The following BBS12 variants were observed in gnomAD, a reference collection of about 807,000 sequenced individuals.
The protein encoded by BBS12 is Bardet-Biedl syndrome 12, also known as chaperonin-containing T-complex member BBS12.
A neutral mutation model predicts 5.6 loss-of-function variants in BBS12; 5 were observed. The ratio of observed to expected loss-of-function variants is 0.89; its 90% CI spans 0.46 to 1.86. The LOEUF (loss-of-function observed/expected upper bound fraction) is 1.86, where lower values mean the gene tolerates loss of function less well. Ranked by LOEUF, BBS12 falls within the 40% of genes most tolerant of loss-of-function variation. BBS12 has a pLI of 0.01. For missense variants in BBS12, 748 were observed against 830.4 expected (o/e 0.90, Z 1.22); for synonymous variants, 308 against 306.8 (o/e 1.00, Z -0.04).
chr4:122,726,881 C>A, the BBS12 span, among the ~76,000 whole-genome samples: 1 of 152,162 alleles, frequency 6.6e-6, no homozygotes. Context: ...TATGTTCTCA[C>A]TCATAAGTGG....
chr4:122,701,593 A>C, the BBS12 span, among the ~76,000 whole-genome samples: 2 of 152,224 alleles, frequency 1.3e-5, no homozygotes, highest in Non-Finnish European at 2.9e-5. Context: ...ATAGTGATGA[A>C]TACCTCTAAT....
At chr4:122,702,988 T>A in the BBS12 span, among the ~76,000 whole-genome samples, 1 of 152,356 alleles carries the variant, frequency 6.6e-6, no homozygotes, top group South Asian at 2.1e-4. Context: ...GTTCCACAAT[T>A]GTTATAGTAA....
chr4:122,716,642 C>A, the BBS12 span, among the ~76,000 whole-genome samples: 221 of 68,948 alleles, frequency 3.2e-3, 2 homozygotes, highest in African/African-American at 0.011. Flanking sequence ...TGTATATACA[C>A]ACGTGTGTGT....
the BBS12 span, among the ~76,000 whole-genome samples, chr4:122,725,365 A>G: frequency 6.6e-6 from 1 of 152,228 alleles, no homozygotes; most frequent in Admixed American, 6.5e-5. Context: ...TTCAAACTAT[A>G]CTATAAGCCC....
chr4:122,714,512 G>T, the BBS12 span, among the ~76,000 whole-genome samples: 1 of 152,076 alleles, frequency 6.6e-6, no homozygotes, highest in South Asian at 2.1e-4. Context: ...AGGCGTGGTG[G>T]CTCATGCCTA....
At chr4:122,705,035 A>G in the BBS12 span, among the ~76,000 whole-genome samples, 1 of 152,208 alleles carries the variant, frequency 6.6e-6, no homozygotes, top group Non-Finnish European at 1.5e-5. Context: ...AGGCCTTAAG[A>G]TGCCTTGAAT....
At position 122,732,739 on chromosome 4, in the gene BBS12, C is replaced by T. The variant is rs1158642416; in HGVS notation, c.-156C>T. 1 of 152,458 alleles carries T rather than the reference C, an allele frequency of 6.6e-6. No homozygotes were observed. The highest frequency in any genetic ancestry group is 1.5e-5 in the Non-Finnish European group (1 of 68,200). The allele number at this position is 152,458 out of a possible 1,614,324, so 9.4% of individuals were successfully genotyped here. A position where few individuals can be genotyped will look rare whatever the true frequency, so the allele number is the denominator to read the frequency against. On this transcript the variant is annotated 5_prime_UTR_variant, in exon 1 of 2. Coordinates refer to ENST00000314218, the MANE Select transcript of BBS12 (RefSeq NM_152618.3). Reference sequence around the variant, plus strand: ...CTAAGCCCCCGGCTCCTCCAGAAGCCCCTCTTCGCACATGCGCAAACTGCG... The same window carrying T: ...CTAAGCCCCCGGCTCCTCCAGAAGCTCCTCTTCGCACATGCGCAAACTGCG...
At chr4:122,737,748 A>G (rs2150733648) in intron 1 of BBS12, among the ~76,000 whole-genome samples, 1 of 152,368 alleles carries the variant, frequency 6.6e-6, no homozygotes, top group South Asian at 2.1e-4. Context: ...CAAATTTGGC[A>G]TCTCATACTT....
chr4:122,713,669 T>G, the BBS12 span, among the ~76,000 whole-genome samples: 1 of 152,204 alleles, frequency 6.6e-6, no homozygotes, highest in Non-Finnish European at 1.5e-5. Flanking sequence ...TTGAGTAAGA[T>G]CAGTGTTTTT....
At chr4:122,715,588 C>T in the BBS12 span, among the ~76,000 whole-genome samples, 1 of 152,164 alleles carries the variant, frequency 6.6e-6, no homozygotes, top group African/African-American at 2.4e-5. Flanking sequence ...CCACGAAACA[C>T]TCCTCGGGGC....
At chr4:122,704,776 A>T in the BBS12 span, among the ~76,000 whole-genome samples, 1 of 152,174 alleles carries the variant, frequency 6.6e-6, no homozygotes, top group Non-Finnish European at 1.5e-5. Flanking sequence ...TCCAGGTAGA[A>T]CTAATTTGAG....
At chr4:122,728,678 A>G (rs898957259), upstream of BBS12, 6 of 152,236 alleles carry the variant, frequency 3.9e-5, no homozygotes, top group African/African-American at 1.4e-4. Flanking sequence ...GAAATCAAAG[A>G]CACTGTGAAA....
the BBS12 span, among the ~76,000 whole-genome samples, chr4:122,709,233 T>A: frequency 6.6e-6 from 1 of 152,194 alleles, no homozygotes; most frequent in African/African-American, 2.4e-5. Flanking sequence ...GAATTTTGCC[T>A]AACTGCTTAC....
the BBS12 span, among the ~76,000 whole-genome samples, chr4:122,705,580 AATTAGCAAGTG>A: frequency 6.6e-6 from 1 of 152,244 alleles, no homozygotes; most frequent in Non-Finnish European, 1.5e-5. Flanking sequence ...GCATTTGCTA[AATTAGCAAGTG>A]ATTAAATTAA....
the BBS12 span, among the ~76,000 whole-genome samples, chr4:122,725,433 A>G: frequency 6.6e-6 from 1 of 152,226 alleles, no homozygotes; most frequent in African/African-American, 2.4e-5. Flanking sequence ...CCAATGGAAC[A>G]TAATAGAGAA....
In BBS12 at chr4:122,743,888, G is replaced by A; in HGVS notation, c.1996G>A (p.Val666Ile). The A allele has an allele frequency of 6.2e-7, 1 of 1,604,806 alleles. No homozygotes were observed. Among genetic ancestry groups the A allele is most frequent in the East Asian group, 2.2e-5 (1 of 44,844 alleles). Residue 666 changes from valine to isoleucine, a missense_variant, in exon 2 of 2, where the codon GTT becomes ATT. Transcript: ENST00000314218. ...GCAGATTCCGAGAGTTTATGACGTTGTTACACCAAAGATTGAGGCGTGGCG... is the reference window on the plus strand; with the variant it reads ...GCAGATTCCGAGAGTTTATGACGTTATTACACCAAAGATTGAGGCGTGGCG... ...LEQIPRVYDVVTPKIEAWRRA... is the reference protein window; with the variant it reads ...LEQIPRVYDVITPKIEAWRRA...
the BBS12 span, among the ~76,000 whole-genome samples, chr4:122,720,211 G>A: frequency 6.6e-6 from 1 of 152,332 alleles, no homozygotes; most frequent in South Asian, 2.1e-4. Flanking sequence ...AGCACTTTGG[G>A]AGGCTGAGGC....
chr4:122,744,095 C>A lies in BBS12; in HGVS notation c.*70C>A. 2.0e-6 allele frequency: 3 copies of A among 1,499,000 alleles called. No homozygotes were observed. The highest frequency in any genetic ancestry group is 1.9e-6 in the Non-Finnish European group (2 of 1,080,402). The allele number at this position is 1,499,000 out of a possible 1,614,324, so 92.9% of individuals were successfully genotyped here. A position where few individuals can be genotyped will look rare whatever the true frequency, so the allele number is the denominator to read the frequency against. Reference sequence around the variant, plus strand: ...ATGCTAATAATAAATATATTGATAGCCAAGTCATGGTGCCTAAAATGCCAG... The same window carrying A: ...ATGCTAATAATAAATATATTGATAGACAAGTCATGGTGCCTAAAATGCCAG... On this transcript the variant is annotated 3_prime_UTR_variant, in exon 2 of 2. Transcript: ENST00000314218.
At chr4:122,722,034 C>A in the BBS12 span, among the ~76,000 whole-genome samples, 153 of 152,300 alleles carry the variant, frequency 1.0e-3, no homozygotes, top group African/African-American at 3.5e-3. Flanking sequence ...TATTTTCCTA[C>A]ATTTTCTCCT....
Sources: allele counts gnomAD v4.1 joint callset (sites outside exome capture counted in the v4.1 genomes callset), GRCh38; gene constraint gnomAD v4.1.1; transcripts MANE v1.5; gene names NCBI Gene and HGNC (gene_info 2026-07-23, HGNC 2026-07-21).